Variants in CCSER2 observed in about 807,000 individuals in gnomAD.
CCSER2 encodes the protein serine-rich coiled-coil domain-containing protein 2.
Under a neutral mutation model 92.3 loss-of-function variants are expected in CCSER2, and 46 were observed. The observed-to-expected ratio is 0.50, with a 90% CI of 0.39 to 0.64. The LOEUF (loss-of-function observed/expected upper bound fraction) is 0.64. Ranked by LOEUF, CCSER2 falls within the 30% of genes least tolerant of loss-of-function variation. The pLI, the probability that CCSER2 is intolerant of heterozygous loss-of-function variation, is 0.00. For synonymous variants in CCSER2, 433 were observed against 431.4 expected (o/e 1.00, Z -0.04); for missense variants, 1,244 against 1,238.9 (o/e 1.00, Z -0.06).
At chr10:84,470,344 C>T (rs1846713833) in intron 7 of CCSER2, 28 bp from the exon 8 acceptor site, 3 of 1,168,756 alleles carry the variant, frequency 2.6e-6, no homozygotes, top group Non-Finnish European at 3.4e-6. Flanking sequence ...TTTTAAATAC[C>T]TCATCTAAAG....
intron 9 of CCSER2, among the ~76,000 whole-genome samples, chr10:84,488,695 T>C (rs907293843): frequency 9.2e-5 from 14 of 152,212 alleles, no homozygotes; most frequent in African/African-American, 2.7e-4. Context: ...AACCAGCTCC[T>C]GGATTCATTG....
intron 1 of CCSER2, among the ~76,000 whole-genome samples, chr10:84,356,966 G>T (rs1845205743): frequency 6.6e-6 from 1 of 152,164 alleles, no homozygotes; most frequent in Non-Finnish European, 1.5e-5. Context: ...GTTTATTCTT[G>T]CTTTTAACCT....
At chr10:84,500,688 C>A (rs563802320) in intron 9 of CCSER2, among the ~76,000 whole-genome samples, 1 of 152,110 alleles carries the variant, frequency 6.6e-6, no homozygotes, top group East Asian at 1.9e-4. Context: ...TATATTTTAT[C>A]TTTTTTGAAA....
chr10:84,501,969 C>T (rs151115329), intron 9 of CCSER2, among the ~76,000 whole-genome samples: 4 of 141,358 alleles, frequency 2.8e-5, no homozygotes, highest in East Asian at 4.2e-4. Context: ...CCTGTTTGTG[C>T]GAAGTAATGA....
chr10:84,484,490 CGT>C lies in CCSER2; in HGVS notation c.2325+6851_2325+6852del, dbSNP rs143391336. The stretch of plus-strand genomic sequence containing the variant: ...GACGTTGCATGCATGTGTGCATGCA[CGT>C]GTGTGTGTGTGTGTGTGTGTGTGTT... On this transcript the variant is annotated intron_variant, in intron 9 of 9. Coordinates refer to ENST00000372088, the MANE Select transcript of CCSER2 (RefSeq NM_001284240.2). 1.2e-3 allele frequency among the ~76,000 whole-genome samples: 176 copies of C among 147,096 alleles called. 2 individuals carry two copies. The highest frequency in any genetic ancestry group is 6.9e-3 in the Middle Eastern group (2 of 288).
intron 1 of CCSER2, among the ~76,000 whole-genome samples, chr10:84,366,616 G>A (rs1204633953): frequency 6.6e-6 from 1 of 152,134 alleles, no homozygotes; most frequent in Non-Finnish European, 1.5e-5. Context: ...TCTTCCAAGG[G>A]GTCTTTAGCA....
chr10:84,458,146 A>G (rs138675422), intron 6 of CCSER2, among the ~76,000 whole-genome samples: 87 of 152,246 alleles, frequency 5.7e-4, no homozygotes, highest in African/African-American at 2.0e-3. Flanking sequence ...AAGATTTTCT[A>G]TGTTTAAGTG....
At chr10:84,368,064 C>T (rs895825872) in intron 1 of CCSER2, among the ~76,000 whole-genome samples, 1 of 152,124 alleles carries the variant, frequency 6.6e-6, no homozygotes, top group Non-Finnish European at 1.5e-5. Context: ...TCCCTCAACT[C>T]AGTATAGGGA....
chr10:84,514,021 T>C lies in CCSER2; in HGVS notation c.2898T>C (p.Ser966=). 1 of 1,536,580 alleles carries C rather than the reference T, an allele frequency of 6.5e-7. No individual in the cohort carries two copies. Among genetic ancestry groups the C allele is most frequent in the Non-Finnish European group, 8.7e-7 (1 of 1,146,986 alleles). The change falls in exon 10 of 10, where the codon AGT becomes AGC. Residue 966 remains serine (S), a synonymous_variant. Coordinates refer to ENST00000372088, the MANE Select transcript of CCSER2 (RefSeq NM_001284240.2). ...CNSAKLQPTS[S]QTNLANNQNL... ...CAGCAAAACTTCAGCCAACATCTAG[T>C]CAAACAAATCTTGCAAATAATCAGA...
At chr10:84,449,225 A>C (rs1384746530) in intron 6 of CCSER2, among the ~76,000 whole-genome samples, 1 of 152,070 alleles carries the variant, frequency 6.6e-6, no homozygotes, top group Admixed American at 6.5e-5. Flanking sequence ...AAATACAAAA[A>C]TTAGCCAGGC....
At chr10:84,468,199 A>G (rs555852633) in intron 7 of CCSER2, among the ~76,000 whole-genome samples, 17 of 152,138 alleles carry the variant, frequency 1.1e-4, no homozygotes, top group Non-Finnish European at 2.2e-4. Flanking sequence ...GGCACTTAGA[A>G]TCCTTTAACT....
chr10:84,379,307 T>C (rs1318121733), intron 3 of CCSER2, among the ~76,000 whole-genome samples: 2 of 152,148 alleles, frequency 1.3e-5, no homozygotes, highest in Non-Finnish European at 2.9e-5. Context: ...CTAATACTGG[T>C]TATTGGTGTT....
At chr10:84,391,131 G>A (rs1047798597) in intron 3 of CCSER2, 8 of 783,114 alleles carry the variant, frequency 1.0e-5, no homozygotes, top group Admixed American at 3.4e-5. Flanking sequence ...GTGAAGATAA[G>A]GATCTCTTCC....
intron 4 of CCSER2, among the ~76,000 whole-genome samples, chr10:84,424,174 G>A (rs1412759516): frequency 6.6e-6 from 1 of 151,414 alleles, no homozygotes; most frequent in African/African-American, 2.4e-5. Flanking sequence ...AAACCTTCTC[G>A]AGATGATTAC....
At chr10:84,395,773 A>G (rs900875098) in intron 3 of CCSER2, among the ~76,000 whole-genome samples, 9 of 152,232 alleles carry the variant, frequency 5.9e-5, no homozygotes, top group Admixed American at 2.0e-4. Context: ...TTTCAGCCGT[A>G]GCTGAATAAG....
intron 7 of CCSER2, among the ~76,000 whole-genome samples, chr10:84,464,260 T>C (rs1277563443): frequency 6.6e-6 from 1 of 152,162 alleles, no homozygotes; most frequent in Admixed American, 6.5e-5. Flanking sequence ...AATATATTGC[T>C]CATAATGATA....
intron 3 of CCSER2, among the ~76,000 whole-genome samples, chr10:84,380,562 A>AT (rs763599641): frequency 6.6e-6 from 1 of 152,122 alleles, no homozygotes; most frequent in East Asian, 1.9e-4. Context: ...TCCTAAGGCC[A>AT]TAGAGGTATT....
At chr10:84,469,666 G>A (rs1333136810) in intron 7 of CCSER2, among the ~76,000 whole-genome samples, 6 of 152,030 alleles carry the variant, frequency 3.9e-5, no homozygotes, top group African/African-American at 1.4e-4. Context: ...AACAACATGG[G>A]CTAACTATAG....
At chr10:84,384,299 C>T (rs149693818) in intron 3 of CCSER2, among the ~76,000 whole-genome samples, 2 of 152,176 alleles carry the variant, frequency 1.3e-5, no homozygotes, top group African/African-American at 4.8e-5. Context: ...ATCCTGGTAC[C>T]CAAATCTGGC....
Sources: gnomAD v4.1 joint callset for allele counts (sites outside exome capture counted in the v4.1 genomes callset) on GRCh38, gnomAD v4.1.1 for gene constraint, MANE v1.5 for transcripts, NCBI Gene and HGNC (gene_info 2026-07-23, HGNC 2026-07-21) for gene names.